The following CFAP299 variants were observed in gnomAD, a reference collection of about 807,000 sequenced individuals.
The protein encoded by CFAP299 is cilia and flagella associated protein 299, also known as cilia- and flagella-associated protein 299.
CFAP299 carries 21 observed loss-of-function variants against 27.0 expected under a neutral mutation model. The ratio of observed to expected loss-of-function variants is 0.78; its 90% CI spans 0.55 to 1.12. The LOEUF (loss-of-function observed/expected upper bound fraction) is 1.12. CFAP299 is among the 50% of genes most tolerant of loss of function. CFAP299 has a pLI of 0.00. For missense variants in CFAP299, 310 were observed against 276.6 expected (o/e 1.12, Z -0.86); for synonymous variants, 104 against 98.1 (o/e 1.06, Z -0.36).
intron 2 of CFAP299, among the ~76,000 whole-genome samples, chr4:80,570,415 C>A (rs546569297): frequency 1.3e-5 from 2 of 151,744 alleles, no homozygotes; most frequent in South Asian, 4.2e-4. Context: ...TGAAACACTC[C>A]TACAAAACAA....
intron 4 of CFAP299, among the ~76,000 whole-genome samples, chr4:80,886,439 A>C (rs1447028871): frequency 6.6e-6 from 1 of 152,200 alleles, no homozygotes; most frequent in Non-Finnish European, 1.5e-5. Context: ...TTTGTTTGAA[A>C]GAAAGTTAGG....
chr4:80,934,692 T>C (rs1321800961), intron 4 of CFAP299, among the ~76,000 whole-genome samples: 2 of 152,062 alleles, frequency 1.3e-5, no homozygotes, highest in African/African-American at 4.8e-5. Flanking sequence ...GTGTTCATAA[T>C]AGTGTTTTAA....
chr4:80,743,383 A>G (rs900947474), intron 3 of CFAP299, among the ~76,000 whole-genome samples: 3 of 152,210 alleles, frequency 2.0e-5, no homozygotes, highest in Non-Finnish European at 4.4e-5. Flanking sequence ...ACATACATAC[A>G]TCAAATATGA....
chr4:80,690,647 A>T (rs1362546915), intron 3 of CFAP299, among the ~76,000 whole-genome samples: 3 of 152,204 alleles, frequency 2.0e-5, no homozygotes, highest in Non-Finnish European at 4.4e-5. Flanking sequence ...GAAAAGCAAG[A>T]ACAAACACAT....
chr4:80,358,911 T>G (rs1560528720), intron 1 of CFAP299, among the ~76,000 whole-genome samples: 1 of 152,132 alleles, frequency 6.6e-6, no homozygotes, highest in Non-Finnish European at 1.5e-5. Flanking sequence ...TGCTTCATAG[T>G]GTCACTAGTC....
intron 2 of CFAP299, among the ~76,000 whole-genome samples, chr4:80,394,993 G>C (rs2110041410): frequency 6.6e-6 from 1 of 152,008 alleles, no homozygotes; most frequent in African/African-American, 2.4e-5. Flanking sequence ...AGTTTGTATA[G>C]AATTTGTGGA....
At chr4:80,451,187 T>C (rs1475641658) in intron 2 of CFAP299, among the ~76,000 whole-genome samples, 1 of 152,212 alleles carries the variant, frequency 6.6e-6, no homozygotes, top group Non-Finnish European at 1.5e-5. Context: ...TCTCACTGGC[T>C]CGCAGATGGA....
chr4:80,868,905 C>CTGTGTGTGTGTGTGTGTG (rs1184951626), intron 3 of CFAP299, among the ~76,000 whole-genome samples: 6 of 137,576 alleles, frequency 4.4e-5, no homozygotes, highest in Non-Finnish European at 9.4e-5. Context: ...GCTTCTCTCT[C>CTGTGTGTGTGTGTGTGTG]TGTGTGTGTG....
intron 4 of CFAP299, chr4:80,871,690 G>A (rs1237696575): frequency 2.1e-6 from 2 of 958,170 alleles, no homozygotes; most frequent in Non-Finnish European, 2.5e-6. Flanking sequence ...TAGCAGCTTT[G>A]TTTTGTTAAA....
At chr4:80,955,519 G>T in intron 5 of CFAP299, among the ~76,000 whole-genome samples, 1 of 152,114 alleles carries the variant, frequency 6.6e-6, no homozygotes, top group South Asian at 2.1e-4. Flanking sequence ...TAATCATTTT[G>T]CATTGCGAGA....
At chr4:80,619,764 T>TCA (rs1024316994) in intron 3 of CFAP299, among the ~76,000 whole-genome samples, 4 of 152,062 alleles carry the variant, frequency 2.6e-5, no homozygotes, top group Non-Finnish European at 4.4e-5. Flanking sequence ...AAATATGCTT[T>TCA]CACACATATA....
chr4:80,715,407 A>G (rs1455368927), intron 3 of CFAP299, among the ~76,000 whole-genome samples: 1 of 152,044 alleles, frequency 6.6e-6, no homozygotes, highest in African/African-American at 2.4e-5. Flanking sequence ...TTTGCTGCTG[A>G]TAATAACAGA....
intron 2 of CFAP299, among the ~76,000 whole-genome samples, chr4:80,523,860 A>T (rs1253372937): frequency 6.6e-6 from 1 of 152,102 alleles, no homozygotes; most frequent in African/African-American, 2.4e-5. Flanking sequence ...GTTTCTGGAG[A>T]ACCCTGACTC....
At chr4:80,776,949 T>C (rs1726580198) in intron 3 of CFAP299, among the ~76,000 whole-genome samples, 1 of 151,926 alleles carries the variant, frequency 6.6e-6, no homozygotes, top group Non-Finnish European at 1.5e-5. Context: ...AAATAGGTTA[T>C]ATACTCTTGA....
In CFAP299 at chr4:80,417,882, C is replaced by T. The variant is rs1255937249; in HGVS notation, c.242+54998C>T. Among the ~76,000 whole-genome samples, 8 of 152,198 alleles carry T rather than the reference C, an allele frequency of 5.3e-5. No homozygotes were observed. In the East Asian group the frequency reaches 1.4e-3, roughly 26 times the overall value. On this transcript the variant is annotated intron_variant, in intron 2 of 5. Transcript: ENST00000358105. ...TTCTGTCTCTTCCACCATGTGAAGA[C>T]ACAGCATTTCTCCCTTCCAGAGGAA...
intron 3 of CFAP299, among the ~76,000 whole-genome samples, chr4:80,794,339 T>G (rs1019689801): frequency 2.0e-5 from 3 of 152,070 alleles, no homozygotes; most frequent in African/African-American, 7.2e-5. Context: ...AAGCAAAAAT[T>G]TTGCTAGTGG....
At chr4:80,598,969 G>A (rs189243690) in intron 3 of CFAP299, among the ~76,000 whole-genome samples, 7 of 152,232 alleles carry the variant, frequency 4.6e-5, no homozygotes, top group African/African-American at 1.7e-4. Context: ...CTGTGAAAAG[G>A]AATACCCAAA....
chr4:80,336,795 C>G (rs1206227800), intron 1 of CFAP299: 4 of 152,228 alleles, frequency 2.6e-5, no homozygotes, highest in Non-Finnish European at 4.4e-5. Context: ...TGCCTTATCC[C>G]TATTTAGGCC....
chr4:80,800,023 TATATATAATATATA>T (rs1412104954), intron 3 of CFAP299, among the ~76,000 whole-genome samples: 8 of 59,204 alleles, frequency 1.4e-4, no homozygotes, highest in African/African-American at 5.8e-4. Context: ...TAATATATAT[TATATATAATATATA>T]ATAATATATA....
Sources: allele counts gnomAD v4.1 joint callset (sites outside exome capture counted in the v4.1 genomes callset), GRCh38; gene constraint gnomAD v4.1.1; transcripts MANE v1.5; gene names NCBI Gene and HGNC (gene_info 2026-07-23, HGNC 2026-07-21).